Variants in GHRHR observed in about 807,000 individuals in gnomAD.
GHRHR encodes growth hormone releasing hormone receptor.
Under a neutral mutation model 58.3 loss-of-function variants are expected in GHRHR, and 40 were observed. The observed-to-expected ratio is 0.69, with a 90% confidence interval of 0.53 to 0.89. The LOEUF (loss-of-function observed/expected upper bound fraction) is 0.89, where lower values mean the gene tolerates loss of function less well. GHRHR is among the 40% of genes least tolerant of loss of function. The pLI is 0.00. For missense variants in GHRHR, 551 were observed against 541.3 expected (o/e 1.02, Z -0.18); for synonymous variants, 249 against 216.6 (o/e 1.15, Z -1.31).
intron 1 of GHRHR, among the ~76,000 whole-genome samples, chr7:30,968,569 T>C (rs1792402413): frequency 2.0e-5 from 3 of 150,772 alleles, no homozygotes; most frequent in Non-Finnish European, 4.4e-5. Context: ...GAGCATTAAC[T>C]GCACAAGAGA....
rs559089371 is a variant in GHRHR, at chr7:30,964,104, C to G, written c.36C>G (p.Cys12Trp). The G allele has an allele frequency of 6.5e-7, 1 of 1,549,764 alleles. No individual in the cohort carries two copies. Among genetic ancestry groups the G allele is most frequent in the South Asian group, 1.2e-5 (1 of 84,060 alleles). ...GGATGTGGGGGGCCCACGTCTTCTG[C>G]GTGTTGAGCCCGTTACCGACCGTGA... ...DRRMWGAHVF[C>W]VLSPLPTVLG... Residue 12 changes from cysteine to tryptophan, a missense_variant, in exon 1 of 13, where the codon TGC (cysteine) becomes TGG (tryptophan). Coordinates refer to ENST00000326139, the MANE Select transcript of GHRHR (RefSeq NM_000823.4).
chr7:30,966,636 CTTTTTGTTTTT>C (rs967997504), intron 1 of GHRHR, among the ~76,000 whole-genome samples: 1 of 127,796 alleles, frequency 7.8e-6, no homozygotes, highest in African/African-American at 3.3e-5. Flanking sequence ...TGTCTTGCTT[CTTTTTGTTTTT>C]TTTTTGTTTT....
intron 7 of GHRHR, 132 bp from the exon 8 acceptor site, chr7:30,974,297 T>C (rs912700828): frequency 9.0e-7 from 1 of 1,106,102 alleles, no homozygotes. Context: ...ACCAGGGCCC[T>C]GGCTCTGGGG....
chr7:30,971,946 T>G lies in GHRHR; in HGVS notation c.465-17T>G, dbSNP rs989277105. The G allele has an allele frequency of 8.1e-6, 13 of 1,613,106 alleles. No homozygotes were observed. In the Admixed American group the frequency reaches 8.3e-5, roughly 10 times the overall value. On this transcript the variant is annotated splice_polypyrimidine_tract_variant and intron_variant, in intron 5 of 12. Transcript: ENST00000326139. ...CCCTGCTTGCTTCTTGTTCCTCATT[T>G]CTCCCATTACCCCCAGGAGGCTCCA...
chr7:30,966,270 C>G (rs577763232), intron 1 of GHRHR, among the ~76,000 whole-genome samples: 9 of 152,322 alleles, frequency 5.9e-5, no homozygotes, highest in African/African-American at 2.2e-4. Flanking sequence ...TCTCTACTCT[C>G]TGACCCCAGC....
Position 30,964,085 on chromosome 7 carries a change from G to T in GHRHR, c.17G>T (p.Trp6Leu), listed in dbSNP as rs1245518742. The T allele has an allele frequency of 2.6e-6, 4 of 1,550,186 alleles. No individual in the cohort carries two copies. The highest frequency in any genetic ancestry group is 1.7e-4 in the Middle Eastern group (1 of 5,944). Reference protein sequence around the residue: MDRRMWGAHVFCVLSP... With the variant: MDRRMLGAHVFCVLSP... The stretch of plus-strand genomic sequence containing the variant: ...GGGCTCACCATGGACCGCCGGATGT[G>T]GGGGGCCCACGTCTTCTGCGTGTTG... The change falls in exon 1 of 13, where the codon TGG (tryptophan) becomes TTG (leucine). Residue 6 changes from tryptophan (W) to leucine (L), a missense_variant. Trp to Leu is a moderately conservative substitution (Grantham distance 61). Coordinates refer to ENST00000326139, the MANE Select transcript of GHRHR (RefSeq NM_000823.4).
chr7:30,976,615 G>T, intron 11 of GHRHR, 57 bp downstream of exon 11: 2 of 1,518,670 alleles, frequency 1.3e-6, no homozygotes, highest in South Asian at 1.1e-5. Flanking sequence ...GGGAGGTGCT[G>T]TTGCCCACGG....
intron 1 of GHRHR, 87 bp downstream of exon 1, chr7:30,964,212 C>T: frequency 8.4e-7 from 1 of 1,184,128 alleles, no homozygotes; most frequent in Non-Finnish European, 1.2e-6. Context: ...GGCGGAGACC[C>T]TACTGCCCTT....
At chr7:30,975,969 C>A in intron 10 of GHRHR, 101 bp downstream of exon 10, 2 of 756,404 alleles carry the variant, frequency 2.6e-6, no homozygotes, top group Non-Finnish European at 4.9e-6. Flanking sequence ...CAGCCCCATA[C>A]TCTTTCTTCC....
intron 1 of GHRHR, among the ~76,000 whole-genome samples, chr7:30,966,139 G>A (rs1265972574): frequency 2.0e-5 from 3 of 152,152 alleles, no homozygotes; most frequent in Admixed American, 1.3e-4. Flanking sequence ...ACTGGTGGGG[G>A]TGACCCTCCT....
intron 3 of GHRHR, chr7:30,969,660 A>C (rs1792439178): frequency 1.6e-6 from 1 of 636,092 alleles, no homozygotes. Flanking sequence ...AAGAGATGGC[A>C]CCTTTGAAGC....
chr7:30,977,802 CAG>C (rs1276672408), intron 12 of GHRHR, among the ~76,000 whole-genome samples: 1 of 152,126 alleles, frequency 6.6e-6, no homozygotes, highest in Non-Finnish European at 1.5e-5. Context: ...GCCCAAGAAA[CAG>C]AGAGAGCACC....
At chr7:30,964,659 G>A (rs920722806) in intron 1 of GHRHR, among the ~76,000 whole-genome samples, 1 of 152,206 alleles carries the variant, frequency 6.6e-6, no homozygotes, top group Admixed American at 6.5e-5. Flanking sequence ...GGAACCTAAG[G>A]AGTTGGTGGA....
At chr7:30,976,097 T>A in intron 10 of GHRHR, 1 of 585,892 alleles carries the variant, frequency 1.7e-6, no homozygotes, top group South Asian at 2.0e-5. Flanking sequence ...AGTGCTGGGA[T>A]CAATTTCTAT....
chr7:30,969,831 A>G (rs372175858), intron 3 of GHRHR, 36 bp from the exon 4 acceptor site: 306 of 1,608,038 alleles, frequency 1.9e-4, no homozygotes, highest in Middle Eastern at 8.3e-4. Context: ...GGGAGAGGGA[A>G]GGAGTTGTGG....
chr7:30,979,259 C>T lies in GHRHR; in HGVS notation c.*15C>T. 1 of 1,612,522 alleles carries T rather than the reference C, an allele frequency of 6.2e-7. No individual in the cohort carries two copies. The highest frequency in any genetic ancestry group is 8.5e-7 in the Non-Finnish European group (1 of 1,179,288). ...CTATGTGCTAGGCTGCCTCATCACG[C>T]CACTGGAGTCCACACTTGAATTTGG... On this transcript the variant is annotated 3_prime_UTR_variant, in exon 13 of 13. Coordinates refer to ENST00000326139, the MANE Select transcript of GHRHR (RefSeq NM_000823.4).
chr7:30,968,632 C>T (rs377041655), intron 1 of GHRHR, among the ~76,000 whole-genome samples: 3 of 109,250 alleles, frequency 2.7e-5, no homozygotes, highest in African/African-American at 1.1e-4. Flanking sequence ...CTCCCTCCCT[C>T]CCTCCCTCCC....
At chr7:30,968,610 C>CT in intron 1 of GHRHR, among the ~76,000 whole-genome samples, 1 of 75,356 alleles carries the variant, frequency 1.3e-5, no homozygotes, top group Non-Finnish European at 2.8e-5. Context: ...CCCTCTCTCC[C>CT]TCCCTCCCTC....
chr7:30,973,133 A>T (rs1385940669), intron 6 of GHRHR, among the ~76,000 whole-genome samples: 1 of 152,238 alleles, frequency 6.6e-6, no homozygotes, highest in Non-Finnish European at 1.5e-5. Flanking sequence ...TAGAGAAAAA[A>T]TTTTAAGAAA....
Sources: gnomAD v4.1 joint callset for allele counts (sites outside exome capture counted in the v4.1 genomes callset) on GRCh38, gnomAD v4.1.1 for gene constraint, MANE v1.5 for transcripts, NCBI Gene and HGNC (gene_info 2026-07-23, HGNC 2026-07-21) for gene names.